ZSWIM6: variants seen among roughly 807,000 people sequenced by gnomAD.
The protein encoded by ZSWIM6 is zinc finger SWIM domain-containing protein 6.
ZSWIM6 carries 9 observed loss-of-function variants against 113.2 expected under a neutral mutation model. The ratio of observed to expected loss-of-function variants is 0.08; its 90% CI spans 0.05 to 0.14. ZSWIM6 has a LOEUF of 0.14. ZSWIM6 is among the 10% of genes least tolerant of loss of function. The pLI, the probability that ZSWIM6 is intolerant of heterozygous loss-of-function variation, is 1.00. For missense variants in ZSWIM6, 1,162 were observed against 1,552.2 expected, an observed-to-expected ratio of 0.75 and a Z score of 4.22; for synonymous variants, 611 against 606.5, an observed-to-expected ratio of 1.01 and a Z score of -0.11.
intron 1 of ZSWIM6, among the ~76,000 whole-genome samples, chr5:61,394,571 T>C (rs1745800664): frequency 6.6e-6 from 1 of 152,210 alleles, no homozygotes; most frequent in Admixed American, 6.5e-5. Flanking sequence ...TGACTCACAT[T>C]AAGTACCCTC....
Position 61,544,338 on chromosome 5 carries a change from TGGGGGGTGGGGATGGGA to T in ZSWIM6, c.*25_*41del. ...GTTGATAGATCTTGTATGAATGGGGTGGGGGGTGGGGATGGGAGGGATGGTTTGTTTTTACTTGAGCC... is the reference window on the plus strand; with the variant it reads ...GTTGATAGATCTTGTATGAATGGGGTGGGATGGTTTGTTTTTACTTGAGCC... On this transcript the variant is annotated 3_prime_UTR_variant, in exon 14 of 14. Transcript: ENST00000252744. The T allele has an allele frequency of 8.6e-6, 1 of 116,914 alleles. No homozygotes were observed. Among genetic ancestry groups the T allele is most frequent in the Non-Finnish European group, 1.8e-5 (1 of 56,198 alleles). The allele number at this position is 116,914 out of a possible 1,614,324, so 7.2% of individuals were successfully genotyped here.
chr5:61,351,318 T>C (rs1241294246), intron 1 of ZSWIM6, among the ~76,000 whole-genome samples: 1 of 152,196 alleles, frequency 6.6e-6, no homozygotes, highest in Non-Finnish European at 1.5e-5. Flanking sequence ...GAATGGACAG[T>C]TGTGGGCTGA....
At chr5:61,526,034 A>G (rs1749271005) in intron 6 of ZSWIM6, 58 bp downstream of exon 6, 6 of 1,532,518 alleles carry the variant, frequency 3.9e-6, no homozygotes, top group Non-Finnish European at 5.3e-6. Context: ...TAGTTTCTAT[A>G]GCATTACTGG....
In ZSWIM6 at chr5:61,437,320, G is replaced by A. The variant is rs1579995882; in HGVS notation, c.677-35361G>A. On this transcript the variant is annotated intron_variant, in intron 1 of 13. Transcript: ENST00000252744. ...TTTTTAGGCCTCGTGTTTTGGACAT[G>A]TGAGTACAAGCCAGTGGTACAGTGC... is the stretch of plus-strand genomic sequence containing the variant. Among the ~76,000 whole-genome samples the A allele has an allele frequency of 3.3e-5, 5 of 152,186 alleles. No individual in the cohort carries two copies. In the South Asian group the frequency reaches 1.0e-3, roughly 32 times the overall value.
chr5:61,397,852 G>A (rs1181018302), intron 1 of ZSWIM6, among the ~76,000 whole-genome samples: 2 of 152,200 alleles, frequency 1.3e-5, no homozygotes, highest in Non-Finnish European at 2.9e-5. Context: ...CAGAAAAGGA[G>A]TTTGGTCGCA....
At chr5:61,451,989 CTT>C (rs1747094733) in intron 1 of ZSWIM6, among the ~76,000 whole-genome samples, 1 of 152,124 alleles carries the variant, frequency 6.6e-6, no homozygotes, top group Admixed American at 6.5e-5. Context: ...ACAAGGAACA[CTT>C]AGTACCCGCT....
intron 1 of ZSWIM6, among the ~76,000 whole-genome samples, chr5:61,393,961 T>TG (rs1201609152): frequency 6.6e-6 from 1 of 152,156 alleles, no homozygotes; most frequent in Non-Finnish European, 1.5e-5. Flanking sequence ...AAGCAACCCC[T>TG]GAGTCAAAGT....
At chr5:61,358,175 A>G (rs187643490) in intron 1 of ZSWIM6, among the ~76,000 whole-genome samples, 1 of 152,218 alleles carries the variant, frequency 6.6e-6, no homozygotes, top group East Asian at 1.9e-4. Flanking sequence ...GTGATTATAC[A>G]TGGCTGATAA....
At chr5:61,492,384 T>C (rs1258256629) in intron 3 of ZSWIM6, among the ~76,000 whole-genome samples, 1 of 152,092 alleles carries the variant, frequency 6.6e-6, no homozygotes, top group African/African-American at 2.4e-5. Flanking sequence ...TATGAAGTAA[T>C]AGCAACCTCT....
At chr5:61,483,142 G>A (rs1747922544) in intron 2 of ZSWIM6, among the ~76,000 whole-genome samples, 2 of 152,210 alleles carry the variant, frequency 1.3e-5, no homozygotes, top group South Asian at 4.2e-4. Context: ...GCATCTTGTG[G>A]GAGCCTTCTT....
chr5:61,494,145 CGG>C lies in ZSWIM6; in HGVS notation c.1183-114_1183-113del, dbSNP rs879587624. 213,081 of 879,094 alleles carry C rather than the reference CGG, an allele frequency of 0.24. 11,499 individuals carry two copies. Among genetic ancestry groups the C allele is most frequent in the African/African-American group, 0.36 (20,556 of 57,668 alleles). The allele number at this position is 879,094 out of a possible 1,614,324, so 54.5% of individuals were successfully genotyped here. On this transcript the variant is annotated intron_variant, in intron 3 of 13. Transcript: ENST00000252744. ...CACCACACACACACACACACACACA[CGG>C]AGAGAGAGAGAGAGAAACAGAGAAA...
rs563676654 is a variant in ZSWIM6, at chr5:61,530,176, C to A, written c.1962C>A (p.Leu654=). ...MEACRIDDEN[L]SGFSDFTENM... is the part of the protein sequence containing the mutation. ...CCTGCCGCATTGATGATGAGAACCTCTCTGGGTTCTCAGATTTTACAGGTA... is the reference window on the plus strand; with the variant it reads ...CCTGCCGCATTGATGATGAGAACCTATCTGGGTTCTCAGATTTTACAGGTA... Residue 654 remains leucine (L), a synonymous_variant, in exon 8 of 14, where the codon CTC becomes CTA. Coordinates refer to ENST00000252744, the MANE Select transcript of ZSWIM6 (RefSeq NM_020928.2). 3 of 1,551,282 alleles carry A rather than the reference C, an allele frequency of 1.9e-6. No individual in the cohort carries two copies. The highest frequency in any genetic ancestry group is 1.4e-5 in the African/African-American group (1 of 73,118).
At chr5:61,384,802 A>G (rs1745560238) in intron 1 of ZSWIM6, among the ~76,000 whole-genome samples, 1 of 152,144 alleles carries the variant, frequency 6.6e-6, no homozygotes, top group South Asian at 2.1e-4. Flanking sequence ...TCACACCTGT[A>G]ATCCCAGCAC....
intron 1 of ZSWIM6, among the ~76,000 whole-genome samples, chr5:61,353,703 G>A (rs1372914092): frequency 1.3e-5 from 2 of 152,208 alleles, no homozygotes; most frequent in African/African-American, 2.4e-5. Context: ...TCAGTTGAGG[G>A]TGACTTTTTC....
At chr5:61,542,686 A>G (rs945725057) in intron 13 of ZSWIM6, among the ~76,000 whole-genome samples, 4 of 152,104 alleles carry the variant, frequency 2.6e-5, no homozygotes, top group Non-Finnish European at 4.4e-5. Flanking sequence ...TTTATTTTGG[A>G]AAAAGGGAAG....
At chr5:61,539,006 A>G (rs1749657886) in intron 11 of ZSWIM6, 35 bp downstream of exon 11, 2 of 1,458,174 alleles carry the variant, frequency 1.4e-6, no homozygotes, top group Admixed American at 2.8e-5. Context: ...TAATTGTTTC[A>G]TTCGTTTGCC....
At chr5:61,465,666 G>A (rs1439333471) in intron 1 of ZSWIM6, among the ~76,000 whole-genome samples, 1 of 152,136 alleles carries the variant, frequency 6.6e-6, no homozygotes, top group East Asian at 1.9e-4. Context: ...GGAACTCTTA[G>A]TTGGGCCCAT....
chr5:61,333,379 C>A (rs942512809), intron 1 of ZSWIM6, among the ~76,000 whole-genome samples: 1 of 151,860 alleles, frequency 6.6e-6, no homozygotes. Context: ...CAGACAATGC[C>A]GGCCGCGGCC....
chr5:61,429,785 A>G (rs1746539910), intron 1 of ZSWIM6, among the ~76,000 whole-genome samples: 1 of 152,182 alleles, frequency 6.6e-6, no homozygotes, highest in Non-Finnish European at 1.5e-5. Flanking sequence ...GCCTGAGGAC[A>G]GGGACATCCA....
Sources: allele counts gnomAD v4.1 joint callset (sites outside exome capture counted in the v4.1 genomes callset), GRCh38; gene constraint gnomAD v4.1.1; transcripts MANE v1.5; gene names NCBI Gene and HGNC (gene_info 2026-07-23, HGNC 2026-07-21).